The following EVL variants were observed in gnomAD, a reference collection of about 807,000 sequenced individuals.
EVL encodes Enah/Vasp-like.
Under a neutral mutation model 59.6 loss-of-function variants are expected in EVL, and 21 were observed. That is an observed-to-expected ratio of 0.35 (90% CI 0.25 to 0.51). EVL has a LOEUF of 0.51. EVL is among the 20% of genes least tolerant of loss of function. EVL has a pLI of 0.97. For synonymous variants in EVL, 198 were observed against 203.5 expected, an observed-to-expected ratio of 0.97 and a Z score of 0.23; for missense variants, 462 against 546.6, an observed-to-expected ratio of 0.85 and a Z score of 1.54.
chr14:100,016,523 G>A (rs771153515), intron 1 of EVL, among the ~76,000 whole-genome samples: 9 of 152,166 alleles, frequency 5.9e-5, no homozygotes, highest in African/African-American at 1.7e-4. Flanking sequence ...GCAAGACTCC[G>A]GCTCAAAAAA....
chr14:99,984,312 C>T (rs938917210), intron 1 of EVL, among the ~76,000 whole-genome samples: 3 of 152,088 alleles, frequency 2.0e-5, no homozygotes, highest in East Asian at 1.9e-4. Flanking sequence ...TTTGTAAGGA[C>T]GTTATCCACT....
At chr14:100,137,323 C>G (rs1430887009) in intron 9 of EVL, 8 of 547,266 alleles carry the variant, frequency 1.5e-5, no homozygotes, top group Non-Finnish European at 2.6e-5. Flanking sequence ...CCCTTACCAG[C>G]AGGCTCACAT....
chr14:100,061,539 T>C (rs1269663845), upstream of EVL, among the ~76,000 whole-genome samples: 1 of 129,472 alleles, frequency 7.7e-6, no homozygotes, highest in African/African-American at 3.0e-5. Flanking sequence ...AAGAGAAATA[T>C]ATGAGTAAAC....
At chr14:100,019,048 G>A (rs1283121791) in intron 1 of EVL, among the ~76,000 whole-genome samples, 1 of 152,200 alleles carries the variant, frequency 6.6e-6, no homozygotes, top group Non-Finnish European at 1.5e-5. Context: ...TAAAGTGGTG[G>A]ACATAAAATG....
intron 3 of EVL, among the ~76,000 whole-genome samples, chr14:100,115,403 C>G (rs776328596): frequency 6.6e-6 from 1 of 152,194 alleles, no homozygotes; most frequent in Admixed American, 6.5e-5. Flanking sequence ...CACCAGGCCC[C>G]CTGCTGTCCT....
chr14:100,005,711 T>G (rs2060974588), intron 1 of EVL, among the ~76,000 whole-genome samples: 1 of 151,814 alleles, frequency 6.6e-6, no homozygotes, highest in Non-Finnish European at 1.5e-5. Context: ...CTTTTAACCA[T>G]TGAGCTTCTT....
intron 1 of EVL, among the ~76,000 whole-genome samples, chr14:100,031,387 C>T (rs374849735): frequency 5.3e-5 from 8 of 152,158 alleles, no homozygotes; most frequent in Admixed American, 1.3e-4. Flanking sequence ...CACATAACTT[C>T]ATTGGGATAA....
At chr14:100,104,013 C>T (rs1002198386) in intron 3 of EVL, among the ~76,000 whole-genome samples, 7 of 152,176 alleles carry the variant, frequency 4.6e-5, no homozygotes, top group Non-Finnish European at 1.0e-4. Flanking sequence ...TACTTGATCT[C>T]CCTGTGCCCC....
At chr14:100,018,665 A>G (rs756847088) in intron 1 of EVL, among the ~76,000 whole-genome samples, 3 of 152,196 alleles carry the variant, frequency 2.0e-5, no homozygotes, top group Non-Finnish European at 4.4e-5. Context: ...TTCCAGGTCG[A>G]TTACAGTTAG....
intron 3 of EVL, among the ~76,000 whole-genome samples, chr14:100,103,972 G>T (rs1336675668): frequency 6.6e-6 from 1 of 152,194 alleles, no homozygotes. Flanking sequence ...GTGAGCGTGT[G>T]TGTGTGCATA....
At chr14:100,051,353 A>G (rs2061644850) in intron 1 of EVL, among the ~76,000 whole-genome samples, 1 of 152,142 alleles carries the variant, frequency 6.6e-6, no homozygotes, top group Admixed American at 6.5e-5. Flanking sequence ...TGATGTATAC[A>G]TAGGGTTCAG....
At chr14:100,104,046 C>T (rs1020043217) in intron 3 of EVL, among the ~76,000 whole-genome samples, 9 of 152,168 alleles carry the variant, frequency 5.9e-5, no homozygotes, top group African/African-American at 1.9e-4. Context: ...TGTACCTGCC[C>T]GTTGGTTGTT....
intron 3 of EVL, among the ~76,000 whole-genome samples, chr14:100,099,937 A>G (rs1374213497): frequency 6.8e-6 from 1 of 146,232 alleles, no homozygotes; most frequent in Non-Finnish European, 1.5e-5. Context: ...GGTTGGTCTG[A>G]AAGTGCTTTT....
At chr14:100,052,052 TA>T (rs2061656126) in intron 1 of EVL, among the ~76,000 whole-genome samples, 1 of 152,224 alleles carries the variant, frequency 6.6e-6, no homozygotes, top group African/African-American at 2.4e-5. Context: ...AAGGTCTCTG[TA>T]AAAAATAACG....
intron 1 of EVL, among the ~76,000 whole-genome samples, chr14:99,987,193 T>C (rs1255398761): frequency 6.6e-6 from 1 of 152,130 alleles, no homozygotes; most frequent in Non-Finnish European, 1.5e-5. Flanking sequence ...AAAGAACTCT[T>C]ATATTTTGCT....
chr14:100,109,002 G>T lies in EVL; in HGVS notation c.358+11344G>T, dbSNP rs758558693. On this transcript the variant is annotated intron_variant, in intron 3 of 13. Transcript: ENST00000392920. The surrounding 1 kb of genome is among the most constrained non-coding windows in gnomAD (Gnocchi z 4.3). ...CACACCAGGACCCAGAGGCTGCCGT[G>T]CCTGGAGCCCTGTCTCCTGACTCAG... 6.6e-6 allele frequency among the ~76,000 whole-genome samples: 1 copy of T among 152,158 alleles called. No individual in the cohort carries two copies. Among genetic ancestry groups the T allele is most frequent in the Non-Finnish European group, 1.5e-5 (1 of 68,026 alleles).
chr14:100,095,148 G>A (rs1040628778), intron 2 of EVL, among the ~76,000 whole-genome samples: 1 of 152,176 alleles, frequency 6.6e-6, no homozygotes, highest in Non-Finnish European at 1.5e-5. Context: ...ATCTCCTCAC[G>A]TATCTGGAGA....
At chr14:100,006,729 C>T (rs1235371970) in intron 1 of EVL, among the ~76,000 whole-genome samples, 2 of 150,556 alleles carry the variant, frequency 1.3e-5, no homozygotes, top group Non-Finnish European at 2.9e-5. Flanking sequence ...GAAGCGAGCT[C>T]AAACTCCATA....
At chr14:99,979,802 G>C (rs1358704836) in intron 1 of EVL, among the ~76,000 whole-genome samples, 1 of 152,228 alleles carries the variant, frequency 6.6e-6, no homozygotes, top group East Asian at 1.9e-4. Flanking sequence ...CCGGGAGGCA[G>C]AGCTTGCAGT....
Sources: gnomAD v4.1 joint callset for allele counts (sites outside exome capture counted in the v4.1 genomes callset) on GRCh38, gnomAD v4.1.1 for gene constraint, Gnocchi (gnomAD v3.1) non-coding constraint, MANE v1.5 for transcripts, NCBI Gene and HGNC (gene_info 2026-07-23, HGNC 2026-07-21) for gene names.